The following DAB1 variants were observed in gnomAD, a reference collection of about 807,000 sequenced individuals.
DAB1 encodes the protein disabled homolog 1.
A neutral mutation model predicts 64.6 loss-of-function variants in DAB1; 15 were observed. The observed-to-expected ratio is 0.23, with a 90% CI of 0.16 to 0.36. The LOEUF is 0.36. Among genes scored for constraint, DAB1 ranks in the 10% least tolerant of loss-of-function variants. The pLI is 1.00. For missense variants in DAB1, 596 were observed against 706.7 expected, an observed-to-expected ratio of 0.84 and a Z score of 1.78; for synonymous variants, 235 against 251.9, an observed-to-expected ratio of 0.93 and a Z score of 0.64.
At chr1:57,579,294 T>G (rs1405011945) in intron 7 of DAB1, among the ~76,000 whole-genome samples, 1 of 152,226 alleles carries the variant, frequency 6.6e-6, no homozygotes, top group Non-Finnish European at 1.5e-5. Flanking sequence ...GGTTTCCTTG[T>G]TCTGTGATAG....
intron 2 of DAB1, among the ~76,000 whole-genome samples, chr1:57,279,033 C>T (rs1219965965): frequency 6.6e-6 from 1 of 152,170 alleles, no homozygotes; most frequent in East Asian, 1.9e-4. Context: ...TTGGGGATGC[C>T]CGCTGGGAGG....
intron 2 of DAB1, among the ~76,000 whole-genome samples, chr1:57,207,988 C>T (rs915784591): frequency 6.6e-6 from 1 of 152,170 alleles, no homozygotes; most frequent in Non-Finnish European, 1.5e-5. Context: ...TGGGGAAATA[C>T]TTCCTGTCTT....
intron 4 of DAB1, among the ~76,000 whole-genome samples, chr1:58,181,218 A>C (rs1462679375): frequency 6.6e-6 from 1 of 152,096 alleles, no homozygotes; most frequent in Non-Finnish European, 1.5e-5. Flanking sequence ...TGTTTCTAAT[A>C]AGACTTTTTG....
At chr1:57,177,797 T>C (rs537124214) in intron 2 of DAB1, among the ~76,000 whole-genome samples, 2 of 152,304 alleles carry the variant, frequency 1.3e-5, no homozygotes, top group South Asian at 2.1e-4. Flanking sequence ...CAAAAGTTCT[T>C]CACCTCCAAA....
chr1:58,265,071 AGG>A (rs962736286), intron 4 of DAB1, among the ~76,000 whole-genome samples: 2 of 152,200 alleles, frequency 1.3e-5, no homozygotes, highest in African/African-American at 4.8e-5. Flanking sequence ...GGGAAAGGGA[AGG>A]AGGAAGTGAT....
At chr1:58,051,692 C>A (rs938671756) in intron 5 of DAB1, among the ~76,000 whole-genome samples, 9 of 152,202 alleles carry the variant, frequency 5.9e-5, no homozygotes, top group Admixed American at 5.9e-4. Flanking sequence ...TATTTCTCCA[C>A]AACCTCTCCA....
chr1:57,149,758 C>T (rs1010065191), intron 2 of DAB1, among the ~76,000 whole-genome samples: 2 of 152,116 alleles, frequency 1.3e-5, no homozygotes, highest in Non-Finnish European at 2.9e-5. Flanking sequence ...TATGACCTAC[C>T]TCTGTGTTCT....
At chr1:57,715,569 A>C (rs1647074490) in intron 6 of DAB1, among the ~76,000 whole-genome samples, 1 of 152,234 alleles carries the variant, frequency 6.6e-6, no homozygotes, top group Non-Finnish European at 1.5e-5. Context: ...AAAGACTGTT[A>C]GAAGTAATAA....
rs112472237 is a variant in DAB1, at chr1:57,244,367, CA to C, written c.67+46596del. 6.0e-3 allele frequency among the ~76,000 whole-genome samples: 907 copies of C among 152,120 alleles called. 17 individuals are homozygous for C. Among genetic ancestry groups the C allele is most frequent in the African/African-American group, 0.021 (864 of 41,496 alleles). On this transcript the variant is annotated intron_variant, in intron 2 of 14. Coordinates refer to ENST00000371236, the MANE Select transcript of DAB1 (RefSeq NM_001365792.1). ...TTTACTGAAAGAAAGAATAAATGAA[CA>C]AAGGAACAAATGGGTTGATAAAGGA...
chr1:57,306,411 A>G (rs1674176333), intron 1 of DAB1, among the ~76,000 whole-genome samples: 1 of 152,120 alleles, frequency 6.6e-6, no homozygotes, highest in African/African-American at 2.4e-5. Context: ...GATAAATAAA[A>G]CCACAAAATC....
At chr1:57,431,260 C>A (rs1437697513) in intron 7 of DAB1, among the ~76,000 whole-genome samples, 1 of 151,196 alleles carries the variant, frequency 6.6e-6, no homozygotes, top group Non-Finnish European at 1.5e-5. Flanking sequence ...GAACAAATTA[C>A]AAAATGTCTT....
chr1:58,074,762 G>T (rs1329689523), intron 5 of DAB1, among the ~76,000 whole-genome samples: 1 of 151,596 alleles, frequency 6.6e-6, no homozygotes, highest in Admixed American at 6.6e-5. Flanking sequence ...TTCCCCAGGC[G>T]AAAATAAGAA....
chr1:58,007,357 G>A (rs1334993451), intron 5 of DAB1, among the ~76,000 whole-genome samples: 2 of 152,258 alleles, frequency 1.3e-5, no homozygotes, highest in East Asian at 3.9e-4. Context: ...ATGTGGAGAC[G>A]GCTTTTGCAG....
chr1:57,648,966 T>C (rs1180800503), intron 7 of DAB1, among the ~76,000 whole-genome samples: 1 of 152,232 alleles, frequency 6.6e-6, no homozygotes, highest in African/African-American at 2.4e-5. Context: ...TTGGAATGAA[T>C]GCTTCTAATT....
At chr1:57,386,073 T>C (rs1006081450) in intron 1 of DAB1, among the ~76,000 whole-genome samples, 1 of 152,074 alleles carries the variant, frequency 6.6e-6, no homozygotes, top group Non-Finnish European at 1.5e-5. Context: ...CAGGATAACA[T>C]GGGAAACAGA....
chr1:57,232,824 T>A (rs1667785426), intron 2 of DAB1, among the ~76,000 whole-genome samples: 1 of 152,150 alleles, frequency 6.6e-6, no homozygotes, highest in Non-Finnish European at 1.5e-5. Context: ...CCACAAGCAA[T>A]GGAAACTAAT....
intron 7 of DAB1, among the ~76,000 whole-genome samples, chr1:57,613,113 G>A (rs928984654): frequency 6.6e-6 from 1 of 152,184 alleles, no homozygotes; most frequent in Admixed American, 6.5e-5. Flanking sequence ...AGTTAAATAT[G>A]CTTCATAAGT....
At chr1:57,519,604 C>T (rs1221658063) in intron 7 of DAB1, among the ~76,000 whole-genome samples, 2 of 152,052 alleles carry the variant, frequency 1.3e-5, no homozygotes, top group African/African-American at 2.4e-5. Flanking sequence ...ACAGGGTGCC[C>T]CTAGAGGGCT....
intron 6 of DAB1, among the ~76,000 whole-genome samples, chr1:57,722,579 C>T (rs1001260267): frequency 6.6e-6 from 1 of 152,202 alleles, no homozygotes; most frequent in Admixed American, 6.5e-5. Flanking sequence ...TATTTTTAAT[C>T]TCTGGATAGC....
Sources: gnomAD v4.1 joint callset for allele counts (sites outside exome capture counted in the v4.1 genomes callset) on GRCh38, gnomAD v4.1.1 for gene constraint, MANE v1.5 for transcripts, NCBI Gene and HGNC (gene_info 2026-07-23, HGNC 2026-07-21) for gene names.